Variants in PABPN1L observed in about 807,000 individuals in gnomAD.
The protein encoded by PABPN1L is embryonic polyadenylate-binding protein 2.
PABPN1L carries 45 observed loss-of-function variants against 34.0 expected under a neutral mutation model. The observed-to-expected ratio is 1.32, with a 90% CI of 1.04 to 1.70. The LOEUF is 1.70. PABPN1L is among the 40% of genes most tolerant of loss of function. PABPN1L has a pLI of 0.00. For missense variants in PABPN1L, 459 were observed against 367.8 expected (o/e 1.25, Z -2.03); for synonymous variants, 182 against 152.1 (o/e 1.20, Z -1.45).
At chr16:88,867,693 G>A (rs1968630748), upstream of PABPN1L, among the ~76,000 whole-genome samples, 1 of 152,158 alleles carries the variant, frequency 6.6e-6, no homozygotes, top group African/African-American at 2.4e-5. Flanking sequence ...ATCCGGTGGT[G>A]TCTGCACCTG....
At chr16:88,864,188 C>T in intron 6 of PABPN1L, 49 bp downstream of exon 6, 2 of 1,523,504 alleles carry the variant, frequency 1.3e-6, no homozygotes. Context: ...CCCTGATGCC[C>T]TCCACCATGG....
exon 1 of PABPN1L, chr16:88,866,514 C>G: frequency 1.3e-6 from 2 of 1,551,194 alleles, no homozygotes; most frequent in South Asian, 1.2e-5. Flanking sequence ...CGTTCCAGGC[C>G]CCCCAGCCCT....
chr16:88,869,763 C>A (rs1371541880), upstream of PABPN1L, among the ~76,000 whole-genome samples: 1 of 152,264 alleles, frequency 6.6e-6, no homozygotes, highest in East Asian at 1.9e-4. Context: ...GAGCTCGGGC[C>A]CCGGCCATGG....
chr16:88,864,355 G>C, exon 6 of PABPN1L: 1 of 1,556,344 alleles, frequency 6.4e-7, no homozygotes, highest in Non-Finnish European at 8.7e-7. Context: ...CTGATCCCAG[G>C]GAAGTTGGTT....
At chr16:88,864,964 A>AGGGGT (rs2143019940) in intron 4 of PABPN1L, 24 bp from the exon 5 acceptor site, 1 of 1,508,610 alleles carries the variant, frequency 6.6e-7, no homozygotes, top group Non-Finnish European at 9.1e-7. Flanking sequence ...CAGGGAGGGG[A>AGGGGT]GGGGTGAGGC....
upstream of PABPN1L, chr16:88,866,713 A>C: frequency 1.4e-6 from 2 of 1,399,478 alleles, no homozygotes; most frequent in South Asian, 3.0e-5. Context: ...CCCTGAGGCC[A>C]GCTGCTCCCA....
chr16:88,865,348 C>G (rs1012412423), intron 3 of PABPN1L, among the ~76,000 whole-genome samples: 4 of 151,686 alleles, frequency 2.6e-5, no homozygotes, highest in Non-Finnish European at 4.4e-5. Flanking sequence ...AAAAGCTTCT[C>G]AAAAGTGGAG....
upstream of PABPN1L, among the ~76,000 whole-genome samples, chr16:88,869,346 A>G (rs141071277): frequency 4.7e-3 from 709 of 152,112 alleles, 4 homozygotes; most frequent in African/African-American, 0.016. Context: ...ACAGCCACAC[A>G]CTTACGTGTG....
Position 88,866,353 on chromosome 16 carries a change from TG to T in PABPN1L, c.253del (p.Gln85ArgfsTer8). ...CCAGGGCCTCCACACAGCTGTTACCTGGTCAGGCAATGGGCACTCAGCCAGG... is the reference window on the plus strand; with the variant it reads ...CCAGGGCCTCCACACAGCTGTTACCTGTCAGGCAATGGGCACTCAGCCAGG... On this transcript the variant is annotated frameshift_variant and splice_region_variant, in exon 1 of 7. Coordinates refer to ENST00000419291, the Ensembl canonical transcript of PABPN1L. LOFTEE classifies it high-confidence loss of function. 3 of 1,549,376 alleles carry T rather than the reference TG, an allele frequency of 1.9e-6. No individual in the cohort carries two copies. The highest frequency in any genetic ancestry group is 1.7e-6 in the Non-Finnish European group (2 of 1,146,826).
intron 3 of PABPN1L, 130 bp from the exon 4 acceptor site, chr16:88,865,258 C>A: frequency 1.1e-6 from 1 of 948,960 alleles, no homozygotes; most frequent in Non-Finnish European, 1.6e-6. Flanking sequence ...CTCCACCCCA[C>A]ACCCCCGCTG....
intron 5 of PABPN1L, among the ~76,000 whole-genome samples, chr16:88,864,600 A>AGGGGGGGGTCACGGCCAGCACCCCTGCAG (rs1968541619): frequency 6.6e-6 from 1 of 150,914 alleles, no homozygotes; most frequent in African/African-American, 2.4e-5. Flanking sequence ...ACCCCTGCAG[A>AGGGGGGGGTCACGGCCAGCACCCCTGCAG]GGGGGGGGTC....
chr16:88,866,893 G>A (rs1455398388), upstream of PABPN1L, among the ~76,000 whole-genome samples: 3 of 152,252 alleles, frequency 2.0e-5, no homozygotes, highest in Non-Finnish European at 2.9e-5. Context: ...GCCACGCTGT[G>A]GCTCACTGGA....
At chr16:88,866,665 CCGCA>C, upstream of PABPN1L, 1 of 1,466,198 alleles carries the variant, frequency 6.8e-7, no homozygotes. Flanking sequence ...CCCCTCGCGT[CCGCA>C]CCTGCCCAGG....
At chr16:88,867,856 G>T (rs1281310985), upstream of PABPN1L, among the ~76,000 whole-genome samples, 4 of 152,184 alleles carry the variant, frequency 2.6e-5, no homozygotes, top group East Asian at 7.7e-4. Context: ...GGGGCCAGGG[G>T]GTCATGCATG....
At chr16:88,864,777 G>A in intron 5 of PABPN1L, 76 bp downstream of exon 5, 2 of 1,434,962 alleles carry the variant, frequency 1.4e-6, no homozygotes, top group Non-Finnish European at 1.9e-6. Context: ...AGCCAGCTGG[G>A]GCTGCTGTGT....
At chr16:88,866,729 G>A (rs1968613401), upstream of PABPN1L, 8 of 1,350,568 alleles carry the variant, frequency 5.9e-6, no homozygotes, top group Middle Eastern at 5.3e-4. Context: ...TCCCACTAGA[G>A]CATTTGCAAA....
chr16:88,866,992 C>A (rs115682203), upstream of PABPN1L, among the ~76,000 whole-genome samples: 1 of 152,226 alleles, frequency 6.6e-6, no homozygotes, highest in Non-Finnish European at 1.5e-5. Context: ...AGTGGGAACA[C>A]GGGAGTGGTT....
upstream of PABPN1L, among the ~76,000 whole-genome samples, chr16:88,869,376 TC>T (rs1968657168): frequency 6.6e-6 from 1 of 152,128 alleles, no homozygotes; most frequent in Admixed American, 6.5e-5. Context: ...TGGACGCTGT[TC>T]CCCCTGCGAA....
upstream of PABPN1L, among the ~76,000 whole-genome samples, chr16:88,869,651 G>A (rs984541718): frequency 2.0e-5 from 3 of 152,248 alleles, no homozygotes; most frequent in African/African-American, 7.2e-5. Context: ...GGGTCTGCCA[G>A]CACCCGTGCC....
Sources: allele counts gnomAD v4.1 joint callset (sites outside exome capture counted in the v4.1 genomes callset), GRCh38; gene constraint gnomAD v4.1.1; transcripts MANE v1.5; gene names NCBI Gene and HGNC (gene_info 2026-07-23, HGNC 2026-07-21).